Variants in PTGR1 observed in about 807,000 individuals in gnomAD.
PTGR1 encodes the protein prostaglandin reductase 1.
A neutral mutation model predicts 37.7 loss-of-function variants in PTGR1; 23 were observed. The observed-to-expected ratio is 0.61, with a 90% CI of 0.44 to 0.86. PTGR1 has a LOEUF of 0.86. Among genes scored for constraint, PTGR1 ranks in the 40% least tolerant of loss-of-function variants. PTGR1 has a pLI of 0.00. For missense variants in PTGR1, 351 were observed against 394.3 expected (o/e 0.89, Z 0.93); for synonymous variants, 134 against 140.0 (o/e 0.96, Z 0.30).
At chr9:111,574,942 A>C in intron 7 of PTGR1, 100 bp from the exon 8 acceptor site, 1 of 916,850 alleles carries the variant, frequency 1.1e-6, no homozygotes. Flanking sequence ...CTGTTTTAGC[A>C]GCAACAAAAC....
intron 4 of PTGR1, among the ~76,000 whole-genome samples, chr9:111,588,196 ATT>A (rs71302619): frequency 0.011 from 1,350 of 126,812 alleles, 18 homozygotes; most frequent in African/African-American, 0.038. Flanking sequence ...CATCCAGCTA[ATT>A]TTTTTTTTTT....
intron 1 of PTGR1, among the ~76,000 whole-genome samples, chr9:111,597,755 A>G (rs1330767648): frequency 6.6e-6 from 1 of 152,248 alleles, no homozygotes; most frequent in Non-Finnish European, 1.5e-5. Context: ...AATTCTTCCC[A>G]GCCACTGCTA....
downstream of PTGR1, among the ~76,000 whole-genome samples, chr9:111,558,047 T>A (rs1302093924): frequency 6.6e-6 from 1 of 152,084 alleles, no homozygotes; most frequent in Non-Finnish European, 1.5e-5. Flanking sequence ...CTCAGGAGGC[T>A]GAGGCAGGAA....
chr9:111,573,809 G>A (rs1351054088), intron 8 of PTGR1, among the ~76,000 whole-genome samples: 1 of 152,124 alleles, frequency 6.6e-6, no homozygotes, highest in Non-Finnish European at 1.5e-5. Context: ...ATGGTTCTCT[G>A]GTTGATACTG....
intron 9 of PTGR1, among the ~76,000 whole-genome samples, chr9:111,551,029 T>G (rs1356618893): frequency 1.3e-5 from 2 of 152,248 alleles, no homozygotes; most frequent in Non-Finnish European, 2.9e-5. Context: ...TTTTAGGTAC[T>G]TCAGCACCAT....
intron 2 of PTGR1, among the ~76,000 whole-genome samples, chr9:111,596,926 C>CAAAAAAAA (rs71494900): frequency 1.7e-4 from 15 of 90,630 alleles, no homozygotes; most frequent in East Asian, 3.2e-4. Flanking sequence ...GACTCTGTCT[C>CAAAAAAAA]AAAAAAAAAA....
chr9:111,556,751 CCT>C (rs1828136195), intron 9 of PTGR1, among the ~76,000 whole-genome samples: 1 of 152,202 alleles, frequency 6.6e-6, no homozygotes, highest in Non-Finnish European at 1.5e-5. Context: ...AGCATTTCCC[CCT>C]TTTTGCTCTC....
At chr9:111,565,773 C>A (rs1828535334) in intron 9 of PTGR1, among the ~76,000 whole-genome samples, 1 of 152,092 alleles carries the variant, frequency 6.6e-6, no homozygotes, top group Admixed American at 6.6e-5. Flanking sequence ...AGTCCTCCTG[C>A]CTCACCCTCC....
chr9:111,566,044 T>C (rs992453643), intron 9 of PTGR1, among the ~76,000 whole-genome samples: 2 of 151,800 alleles, frequency 1.3e-5, no homozygotes, highest in Admixed American at 1.3e-4. Context: ...AAACCCCATC[T>C]CTACTAAAAA....
At chr9:111,596,900 C>G (rs1011594231) in intron 2 of PTGR1, among the ~76,000 whole-genome samples, 34 of 132,592 alleles carry the variant, frequency 2.6e-4, no homozygotes, top group Admixed American at 9.1e-4. Flanking sequence ...GCACTCCAAC[C>G]TGGGCAACAG....
chr9:111,575,601 T>A (rs886652458), intron 7 of PTGR1, among the ~76,000 whole-genome samples: 2 of 152,250 alleles, frequency 1.3e-5, no homozygotes, highest in African/African-American at 2.4e-5. Flanking sequence ...CCCTTACATT[T>A]AGGATCAATT....
downstream of PTGR1, among the ~76,000 whole-genome samples, chr9:111,560,071 T>A (rs910461486): frequency 2.0e-5 from 3 of 149,980 alleles, no homozygotes; most frequent in African/African-American, 7.4e-5. Context: ...CATGGTGGCT[T>A]ATGCCTCCCA....
chr9:111,551,602 G>A (rs1397357697), intron 9 of PTGR1, among the ~76,000 whole-genome samples: 1 of 151,572 alleles, frequency 6.6e-6, no homozygotes, highest in Admixed American at 6.6e-5. Context: ...GGGTTTCACT[G>A]TGTTGCCCAG....
intron 1 of PTGR1, 198 bp downstream of exon 1, chr9:111,599,405 A>T (rs1829876715): frequency 6.6e-6 from 1 of 152,274 alleles, no homozygotes; most frequent in African/African-American, 2.4e-5. Flanking sequence ...CTCTCCAAGG[A>T]ACTGCGGGGG....
At chr9:111,598,014 C>T (rs1169266405) in intron 1 of PTGR1, among the ~76,000 whole-genome samples, 2 of 149,642 alleles carry the variant, frequency 1.3e-5, no homozygotes, top group Non-Finnish European at 3.0e-5. Context: ...TTTTTAAATA[C>T]TTTTTTTTCT....
chr9:111,562,925 C>G lies in PTGR1; in HGVS notation c.*196G>C. On this transcript the variant is annotated 3_prime_UTR_variant, in exon 10 of 10. Transcript: ENST00000407693. ...GAAGCTGTAGTGAACAGTGAGGTGACTGGTTGTTGTTGACTTTGAAACTTC... is the reference window on the plus strand; with the variant it reads ...GAAGCTGTAGTGAACAGTGAGGTGAGTGGTTGTTGTTGACTTTGAAACTTC... The G allele has an allele frequency of 1.5e-6, 2 of 1,375,032 alleles. No individual in the cohort carries two copies. The highest frequency in any genetic ancestry group is 1.9e-6 in the Non-Finnish European group (2 of 1,062,964). 85.2% of individuals were successfully genotyped at this position (1,375,032 alleles called of 1,614,324 possible). A position where few individuals can be genotyped will look rare whatever the true frequency, so the allele number is the denominator to read the frequency against.
At chr9:111,587,896 C>A (rs537399610) in intron 4 of PTGR1, among the ~76,000 whole-genome samples, 1 of 152,000 alleles carries the variant, frequency 6.6e-6, no homozygotes, top group African/African-American at 2.4e-5. Flanking sequence ...TTAATTACAC[C>A]CCCATTATTA....
At chr9:111,561,140 AGAGAGAG>A (rs1564608057), downstream of PTGR1, among the ~76,000 whole-genome samples, 28 of 34,926 alleles carry the variant, frequency 8.0e-4, 2 homozygotes, top group African/African-American at 4.2e-3. Flanking sequence ...GAGAGAGAGG[AGAGAGAG>A]GGAGAGAGAG....
downstream of PTGR1, among the ~76,000 whole-genome samples, chr9:111,559,459 G>A (rs960749560): frequency 2.0e-5 from 3 of 151,882 alleles, no homozygotes; most frequent in African/African-American, 7.3e-5. Flanking sequence ...CTGTTGTTGG[G>A]CTCTGATACA....
Sources: gnomAD v4.1 joint callset for allele counts (sites outside exome capture counted in the v4.1 genomes callset) on GRCh38, gnomAD v4.1.1 for gene constraint, MANE v1.5 for transcripts, NCBI Gene and HGNC (gene_info 2026-07-23, HGNC 2026-07-21) for gene names.